Variants in SEMA5B observed in about 807,000 individuals in gnomAD.
SEMA5B encodes the protein semaphorin-5B.
A neutral mutation model predicts 135.0 loss-of-function variants in SEMA5B; 66 were observed. That is an observed-to-expected ratio of 0.49 (90% confidence interval 0.40 to 0.60). The LOEUF (loss-of-function observed/expected upper bound fraction) is 0.60, where lower values mean the gene tolerates loss of function less well. Among genes scored for constraint, SEMA5B ranks in the 20% least tolerant of loss-of-function variants. The pLI is 0.00. For missense variants in SEMA5B, 1,501 were observed against 1,566.3 expected, an observed-to-expected ratio of 0.96 and a Z score of 0.70; for synonymous variants, 690 against 639.5, an observed-to-expected ratio of 1.08 and a Z score of -1.19.
intron 2 of SEMA5B, among the ~76,000 whole-genome samples, chr3:122,960,021 C>G (rs555226408): frequency 1.2e-4 from 18 of 152,174 alleles, no homozygotes; most frequent in Non-Finnish European, 2.2e-4. Flanking sequence ...TCCTCCTCCC[C>G]CTGGGCAGGC....
intron 5 of SEMA5B, among the ~76,000 whole-genome samples, chr3:122,929,963 C>T (rs1938875649): frequency 6.6e-6 from 1 of 152,208 alleles, no homozygotes; most frequent in South Asian, 2.1e-4. Context: ...CAGGCAATGT[C>T]AACAGCCCTG....
chr3:122,945,334 A>T (rs1213365765), intron 3 of SEMA5B, among the ~76,000 whole-genome samples: 1 of 152,188 alleles, frequency 6.6e-6, no homozygotes, highest in Non-Finnish European at 1.5e-5. Context: ...GCAATATAGG[A>T]TAAGAAGTGG....
intron 1 of SEMA5B, among the ~76,000 whole-genome samples, chr3:122,966,536 T>TTTTA (rs1940829050): frequency 7.1e-6 from 1 of 141,534 alleles, no homozygotes; most frequent in African/African-American, 2.7e-5. Flanking sequence ...TGTAAGAATG[T>TTTTA]TTATTATTAT....
At chr3:122,950,361 T>C (rs1196502472) in intron 2 of SEMA5B, among the ~76,000 whole-genome samples, 1 of 152,144 alleles carries the variant, frequency 6.6e-6, no homozygotes, top group Non-Finnish European at 1.5e-5. Context: ...CCCTGTGGGG[T>C]GATCCTGGCA....
intron 1 of SEMA5B, among the ~76,000 whole-genome samples, chr3:123,012,418 TAAG>T (rs372348650): frequency 2.3e-4 from 35 of 152,004 alleles, no homozygotes; most frequent in Admixed American, 1.8e-3. Context: ...CATCCTAGGT[TAAG>T]AAGATTTCCC....
At chr3:122,933,763 T>C (rs1313870706) in intron 5 of SEMA5B, among the ~76,000 whole-genome samples, 2 of 152,268 alleles carry the variant, frequency 1.3e-5, no homozygotes, top group Non-Finnish European at 2.9e-5. Context: ...TTCTGGTAGG[T>C]TTTTCTTCAA....
Position 122,911,018 on chromosome 3 carries a change from G to A in SEMA5B, c.3119C>T (p.Thr1040Met), listed in dbSNP as rs756314106. 19 of 1,613,476 alleles carry A rather than the reference G, an allele frequency of 1.2e-5. No homozygotes were observed. Among genetic ancestry groups the A allele is most frequent in the South Asian group, 2.2e-5 (2 of 91,066 alleles). ...AGFNLIHLVA[T>M]GISCFLGSGL... Reference sequence around the variant, plus strand: ...AGAGCCCAAGAAGCAGGAGATGCCCGTGGCCACCAAGTGGATGAGATTGAA... The same window carrying A: ...AGAGCCCAAGAAGCAGGAGATGCCCATGGCCACCAAGTGGATGAGATTGAA... The change falls in exon 22 of 23, where the codon ACG (threonine) becomes ATG (methionine). Residue 1040 changes from threonine to methionine, a missense_variant. Thr to Met is a moderately conservative substitution (Grantham distance 81). Around this residue, in one of 2 missense-constraint regions of SEMA5B, gnomAD observed 927 missense variants for 881.6 expected, o/e 1.05. Transcript: ENST00000357599.
chr3:122,990,378 A>C (rs1941838613), intron 1 of SEMA5B, among the ~76,000 whole-genome samples: 1 of 152,198 alleles, frequency 6.6e-6, no homozygotes, highest in Non-Finnish European at 1.5e-5. Flanking sequence ...ATGCTTGGCC[A>C]TGTTGAGACC....
intron 12 of SEMA5B, among the ~76,000 whole-genome samples, chr3:122,920,236 C>T (rs1938281758): frequency 6.6e-6 from 1 of 152,238 alleles, no homozygotes; most frequent in African/African-American, 2.4e-5. Flanking sequence ...TCCCATTCCC[C>T]ATGTTTCTCC....
intron 1 of SEMA5B, among the ~76,000 whole-genome samples, chr3:122,997,518 T>TCTCCGCCCCC (rs764169923): frequency 1.4e-5 from 2 of 142,778 alleles, no homozygotes; most frequent in Admixed American, 6.9e-5. Flanking sequence ...CCCAGGCCTC[T>TCTCCGCCCCC]CCCCCCCCCG....
rs1937625953 is a variant in SEMA5B at position 122,910,404 on chromosome 3, A to G, written c.3298-103T>C. 4.1e-6 allele frequency: 5 copies of G among 1,223,166 alleles called. No individual in the cohort carries two copies. The Admixed American group carries it at 7.8e-5, about 19-fold the overall frequency. The allele number at this position is 1,223,166 out of a possible 1,614,324, so 75.8% of individuals were successfully genotyped here. On this transcript the variant is annotated intron_variant, in intron 22 of 22. Coordinates refer to ENST00000357599, the MANE Select transcript of SEMA5B (RefSeq NM_001031702.4). Reference sequence around the variant, plus strand: ...AGAAGCCAGCCGTGCAAGAACACTCAGACTGCGGATCCAGTGCTCTGTTCA... The same window carrying G: ...AGAAGCCAGCCGTGCAAGAACACTCGGACTGCGGATCCAGTGCTCTGTTCA...
intron 2 of SEMA5B, among the ~76,000 whole-genome samples, chr3:122,955,886 G>A (rs1026993270): frequency 2.6e-5 from 4 of 152,190 alleles, no homozygotes; most frequent in African/African-American, 9.7e-5. Flanking sequence ...AGCATTTACT[G>A]AACACCTACT....
At chr3:122,914,982 C>G (rs1000538992) in intron 14 of SEMA5B, among the ~76,000 whole-genome samples, 9 of 152,134 alleles carry the variant, frequency 5.9e-5, no homozygotes, top group African/African-American at 1.9e-4. Flanking sequence ...TACCTTATCT[C>G]ATTTAACCCT....
intron 12 of SEMA5B, among the ~76,000 whole-genome samples, chr3:122,916,426 AC>A (rs1938080197): frequency 6.6e-6 from 1 of 152,052 alleles, no homozygotes; most frequent in Non-Finnish European, 1.5e-5. Context: ...ACCCGAGCCC[AC>A]CCCACTCAAC....
At chr3:122,965,414 C>A (rs1940777052) in intron 1 of SEMA5B, among the ~76,000 whole-genome samples, 1 of 152,250 alleles carries the variant, frequency 6.6e-6, no homozygotes, top group Non-Finnish European at 1.5e-5. Context: ...TCTGGGAAGA[C>A]ATTTGTCTTC....
At chr3:122,926,260 G>C (rs989250291) in intron 9 of SEMA5B, 132 bp downstream of exon 9, 2 of 871,754 alleles carry the variant, frequency 2.3e-6, no homozygotes, top group Non-Finnish European at 3.5e-6. Flanking sequence ...GAAGCAGTAA[G>C]TCACAAAATC....
In SEMA5B at chr3:122,909,484, C is replaced by A. The variant is rs1467223946; in HGVS notation, c.*659G>T. On this transcript the variant is annotated 3_prime_UTR_variant, in exon 23 of 23. Coordinates refer to ENST00000357599, the MANE Select transcript of SEMA5B (RefSeq NM_001031702.4). ...AGGGCAAGGCTGAGGCCTGTACCAG[C>A]CCAGATTAAAGGACTTCTAAGCACA... 1 of 152,844 alleles carries A rather than the reference C, an allele frequency of 6.5e-6. No homozygotes were observed. The highest frequency in any genetic ancestry group is 2.4e-5 in the African/African-American group (1 of 41,456). 9.5% of individuals were successfully genotyped at this position (152,844 alleles called of 1,614,324 possible). A position where few individuals can be genotyped will look rare whatever the true frequency, so the allele number is the denominator to read the frequency against.
Position 123,023,049 on chromosome 3 carries a change from C to T in SEMA5B, c.-39+4415G>A, listed in dbSNP as rs537380077. On this transcript the variant is annotated intron_variant, in intron 1 of 22. Transcript: ENST00000357599. ...CTCAGCTAAGGCAGATGTCATCAAA[C>T]CAAAAGTCACAGAGAGGGGGGTTTG... is the stretch of plus-strand genomic sequence containing the variant. Among the ~76,000 whole-genome samples the T allele has an allele frequency of 4.6e-5, 7 of 152,238 alleles. No individual in the cohort carries two copies. The South Asian group carries it at 1.0e-3, about 23-fold the overall frequency.
At chr3:122,982,531 G>C (rs1156943059) in intron 1 of SEMA5B, among the ~76,000 whole-genome samples, 1 of 152,122 alleles carries the variant, frequency 6.6e-6, no homozygotes, top group East Asian at 1.9e-4. Context: ...GCCCATTACG[G>C]GGATAATTAA....
Sources: gnomAD v4.1 joint callset for allele counts (sites outside exome capture counted in the v4.1 genomes callset) on GRCh38, gnomAD v4.1.1 for gene constraint, gnomAD v4.1.1 regional missense constraint, MANE v1.5 for transcripts, NCBI Gene and HGNC (gene_info 2026-07-23, HGNC 2026-07-21) for gene names.